HDAC9: variants seen among roughly 807,000 people sequenced by gnomAD.
HDAC9 encodes histone deacetylase 9.
In HDAC9, 41 loss-of-function variants were observed where a neutral mutation model predicts 139.4. The ratio of observed to expected loss-of-function variants is 0.29; its 90% CI spans 0.23 to 0.38. The LOEUF is 0.38. Among genes scored for constraint, HDAC9 ranks in the 10% least tolerant of loss-of-function variants. The pLI, the probability that HDAC9 is intolerant of heterozygous loss-of-function variation, is 1.00. For synonymous variants in HDAC9, 517 were observed against 476.2 expected, an observed-to-expected ratio of 1.09 and a Z score of -1.12; for missense variants, 1,147 against 1,297.0, an observed-to-expected ratio of 0.88 and a Z score of 1.78.
At chr7:18,993,599 C>G (rs1015013201) in intron 25 of HDAC9, among the ~76,000 whole-genome samples, 1 of 151,832 alleles carries the variant, frequency 6.6e-6, no homozygotes, top group Non-Finnish European at 1.5e-5. Flanking sequence ...CCCAGGAGTT[C>G]AAAACCAGCC....
intron 1 of HDAC9, among the ~76,000 whole-genome samples, chr7:18,308,353 A>T (rs1308324644): frequency 6.6e-6 from 1 of 152,204 alleles, no homozygotes; most frequent in Non-Finnish European, 1.5e-5. Context: ...GCTTAACCAT[A>T]TACAAGAAAA....
At chr7:18,434,316 G>C (rs1790970191) in intron 1 of HDAC9, among the ~76,000 whole-genome samples, 1 of 152,188 alleles carries the variant, frequency 6.6e-6, no homozygotes, top group South Asian at 2.1e-4. Context: ...AGAAAACCTA[G>C]GAAATACCAT....
chr7:18,707,564 GA>G (rs967236387), intron 12 of HDAC9, among the ~76,000 whole-genome samples: 1 of 152,130 alleles, frequency 6.6e-6, no homozygotes, highest in African/African-American at 2.4e-5. Flanking sequence ...CGGAATATAT[GA>G]AAAAATCAAG....
At chr7:18,325,815 T>C (rs990867712) in intron 1 of HDAC9, among the ~76,000 whole-genome samples, 2 of 152,142 alleles carry the variant, frequency 1.3e-5, no homozygotes, top group African/African-American at 2.4e-5. Context: ...TAAATACTTA[T>C]ACCTGTGTAA....
intron 1 of HDAC9, among the ~76,000 whole-genome samples, chr7:18,153,992 C>A (rs1168469314): frequency 6.6e-6 from 1 of 152,144 alleles, no homozygotes; most frequent in Non-Finnish European, 1.5e-5. Flanking sequence ...TCAGTGATAT[C>A]CTTCCCAAAA....
intron 1 of HDAC9, among the ~76,000 whole-genome samples, chr7:18,147,635 A>AT (rs35788413): frequency 3.8e-4 from 57 of 149,596 alleles, no homozygotes; most frequent in African/African-American, 5.9e-4. Context: ...CTCAGGACTC[A>AT]TTTTTTTTTT....
chr7:18,990,448 C>A (rs1302066438), intron 25 of HDAC9, among the ~76,000 whole-genome samples: 1 of 152,214 alleles, frequency 6.6e-6, no homozygotes, highest in African/African-American at 2.4e-5. Flanking sequence ...CTGCTCTCTT[C>A]AATGCTGTCA....
chr7:18,627,704 G>A (rs552239989), intron 6 of HDAC9, among the ~76,000 whole-genome samples: 11 of 151,984 alleles, frequency 7.2e-5, no homozygotes, highest in Non-Finnish European at 1.6e-4. Flanking sequence ...TGGGAGTCCC[G>A]GCAAGTGATA....
At chr7:18,841,424 G>A (rs376607751) in intron 21 of HDAC9, among the ~76,000 whole-genome samples, 16 of 152,060 alleles carry the variant, frequency 1.1e-4, no homozygotes, top group South Asian at 8.3e-4. Context: ...TAGAGTATTC[G>A]TTGAGGCTTT....
chr7:18,444,167 C>T (rs899914972), intron 1 of HDAC9, among the ~76,000 whole-genome samples: 2 of 151,458 alleles, frequency 1.3e-5, no homozygotes, highest in Admixed American at 6.6e-5. Context: ...GGTGAAACCC[C>T]TTCTCTACTA....
intron 21 of HDAC9, among the ~76,000 whole-genome samples, chr7:18,855,258 C>A (rs953311374): frequency 6.6e-6 from 1 of 152,066 alleles, no homozygotes. Context: ...AATATACACC[C>A]CCTAAAGATC....
intron 25 of HDAC9, among the ~76,000 whole-genome samples, chr7:18,978,725 A>T (rs1784709040): frequency 6.6e-6 from 1 of 152,216 alleles, no homozygotes; most frequent in Non-Finnish European, 1.5e-5. Context: ...GTGTACCTTT[A>T]AACAATTGTA....
At chr7:18,745,321 C>T (rs937852930) in intron 13 of HDAC9, among the ~76,000 whole-genome samples, 2 of 152,094 alleles carry the variant, frequency 1.3e-5, no homozygotes, top group African/African-American at 4.8e-5. Context: ...AAATGGCCTT[C>T]CAAGAGCCCC....
At chr7:18,430,248 G>C (rs896188244) in intron 1 of HDAC9, among the ~76,000 whole-genome samples, 2 of 152,062 alleles carry the variant, frequency 1.3e-5, no homozygotes, top group African/African-American at 2.4e-5. Context: ...TTTGGCGATG[G>C]TGTCTTGCTC....
chr7:18,361,440 A>G (rs571784993), intron 1 of HDAC9, among the ~76,000 whole-genome samples: 143 of 152,268 alleles, frequency 9.4e-4, no homozygotes, highest in Middle Eastern at 3.4e-3. Context: ...GGTAGTATTC[A>G]CTGCCTTCCC....
rs560233822 is a variant in HDAC9 at position 18,727,622 on chromosome 7, C to G, written c.1774C>G (p.Gln592Glu). ...PTHTRALSVR[Q>E]APLAAVGMDG... Reference sequence around the variant, plus strand: ...GCACACACGTGCGCTCTCTGTGCGCCAAGCTCCGCTGGCTGCGGTTGGCAT... The same window carrying G: ...GCACACACGTGCGCTCTCTGTGCGCGAAGCTCCGCTGGCTGCGGTTGGCAT... Residue 592 changes from glutamine to glutamate, a missense_variant, in exon 13 of 26, where the codon CAA becomes GAA. Gln to Glu is a conservative substitution (Grantham distance 29). Coordinates refer to ENST00000686413, the MANE Select transcript of HDAC9 (RefSeq NM_178425.4). The G allele has an allele frequency of 2.5e-6, 4 of 1,589,648 alleles. No homozygotes were observed. In the African/African-American group the frequency reaches 5.4e-5, roughly 22 times the overall value.
chr7:18,335,727 G>C (rs913899278), intron 1 of HDAC9, among the ~76,000 whole-genome samples: 1 of 151,510 alleles, frequency 6.6e-6, no homozygotes, highest in Non-Finnish European at 1.5e-5. Flanking sequence ...AGGAAGTAAA[G>C]AAAAAGGCAG....
At chr7:18,605,805 C>T (rs767577742) in intron 6 of HDAC9, among the ~76,000 whole-genome samples, 12 of 152,074 alleles carry the variant, frequency 7.9e-5, no homozygotes, top group African/African-American at 1.7e-4. Context: ...CTCAGCCTCC[C>T]GAGTAGCTGG....
intron 1 of HDAC9, among the ~76,000 whole-genome samples, chr7:18,303,014 T>TA (rs1196219394): frequency 3.9e-5 from 6 of 152,118 alleles, no homozygotes; most frequent in Non-Finnish European, 8.8e-5. Flanking sequence ...TGTTTTTTTT[T>TA]ATGACTTTTC....
Sources: allele counts gnomAD v4.1 joint callset (sites outside exome capture counted in the v4.1 genomes callset), GRCh38; gene constraint gnomAD v4.1.1; transcripts MANE v1.5; gene names NCBI Gene and HGNC (gene_info 2026-07-23, HGNC 2026-07-21).